NBAS: variants seen among roughly 807,000 people sequenced by gnomAD.
NBAS encodes NBAS subunit of NRZ tethering complex.
NBAS carries 219 observed loss-of-function variants against 302.5 expected under a neutral mutation model. The observed-to-expected ratio is 0.72, with a 90% confidence interval of 0.65 to 0.81. NBAS has a LOEUF of 0.81. Among genes scored for constraint, NBAS ranks in the 30% least tolerant of loss-of-function variants. The pLI, the probability that NBAS is intolerant of heterozygous loss-of-function variation, is 0.00. For synonymous variants in NBAS, 1,118 were observed against 1,021.6 expected (o/e 1.09, Z -1.80); for missense variants, 2,932 against 2,841.6 (o/e 1.03, Z -0.72).
intron 7 of NBAS, among the ~76,000 whole-genome samples, chr2:15,537,143 T>C (rs1663557987): frequency 6.6e-6 from 1 of 152,214 alleles, no homozygotes; most frequent in African/African-American, 2.4e-5. Context: ...CGACCCAAAA[T>C]ATGCCACTTT....
chr2:15,213,793 C>T (rs1666530820), intron 48 of NBAS, among the ~76,000 whole-genome samples: 1 of 152,168 alleles, frequency 6.6e-6, no homozygotes, highest in Non-Finnish European at 1.5e-5. Flanking sequence ...GCAAGGAACA[C>T]ATTGTTCATA....
chr2:15,216,036 T>C (rs1666637168), intron 48 of NBAS, among the ~76,000 whole-genome samples: 3 of 152,184 alleles, frequency 2.0e-5, no homozygotes, highest in Non-Finnish European at 2.9e-5. Flanking sequence ...CAAGAGGTTA[T>C]TTACAATTAT....
At chr2:15,181,938 T>C (rs910352354) in intron 50 of NBAS, among the ~76,000 whole-genome samples, 2 of 152,352 alleles carry the variant, frequency 1.3e-5, no homozygotes, top group Admixed American at 1.3e-4. Context: ...AGGCATTGCA[T>C]GGGGGCTGCA....
chr2:15,504,052 A>G, intron 11 of NBAS, 93 bp downstream of exon 11: 1 of 987,818 alleles, frequency 1.0e-6, no homozygotes, highest in Admixed American at 1.7e-5. Context: ...ATGAAGATAC[A>G]AAAAATTCGA....
chr2:15,349,357 C>T (rs1298844180), intron 35 of NBAS, among the ~76,000 whole-genome samples: 3 of 152,182 alleles, frequency 2.0e-5, no homozygotes, highest in Non-Finnish European at 4.4e-5. Flanking sequence ...ACAGAGAGAA[C>T]AGCAAAGAAA....
At chr2:15,178,842 AG>A in intron 51 of NBAS, 145 bp downstream of exon 51, 1 of 1,171,716 alleles carries the variant, frequency 8.5e-7, no homozygotes. Context: ...GGGACAAAAC[AG>A]GAACAGCTAT....
chr2:15,396,815 C>A (rs1675888726), intron 26 of NBAS, among the ~76,000 whole-genome samples: 1 of 152,126 alleles, frequency 6.6e-6, no homozygotes, highest in Non-Finnish European at 1.5e-5. Context: ...TTCTTTTAAA[C>A]CAATAAAACA....
intron 14 of NBAS, 142 bp downstream of exon 14, chr2:15,475,545 T>G: frequency 1.2e-6 from 1 of 866,168 alleles, no homozygotes; most frequent in East Asian, 2.7e-5. Context: ...AATGGATTTT[T>G]TATACTACAA....
At chr2:14,945,635 T>C in the NBAS span, among the ~76,000 whole-genome samples, 7,414 of 152,046 alleles carry the variant, frequency 0.049, 568 homozygotes, top group African/African-American at 0.17. Flanking sequence ...GAAATGTACA[T>C]GTTGAACTAA....
intron 11 of NBAS, among the ~76,000 whole-genome samples, chr2:15,490,286 A>G (rs1465658831): frequency 6.6e-6 from 1 of 152,206 alleles, no homozygotes; most frequent in Admixed American, 6.6e-5. Context: ...GGTCAGGAAC[A>G]CTGTTGAATG....
chr2:15,378,063 G>T (rs1674837492), intron 30 of NBAS, among the ~76,000 whole-genome samples: 2 of 152,188 alleles, frequency 1.3e-5, no homozygotes, highest in South Asian at 4.1e-4. Flanking sequence ...TAAATAATTT[G>T]CTAGAGACCA....
At chr2:15,221,417 A>G (rs1666942922) in intron 47 of NBAS, among the ~76,000 whole-genome samples, 1 of 152,218 alleles carries the variant, frequency 6.6e-6, no homozygotes, top group African/African-American at 2.4e-5. Flanking sequence ...CACCATTGTC[A>G]TAATAACAAT....
the NBAS span, among the ~76,000 whole-genome samples, chr2:14,991,156 G>A: frequency 6.6e-6 from 1 of 152,124 alleles, no homozygotes; most frequent in East Asian, 1.9e-4. Flanking sequence ...GGACATAGAA[G>A]ACATGCAGGG....
At chr2:14,915,729 A>G in the NBAS span, among the ~76,000 whole-genome samples, 1 of 151,906 alleles carries the variant, frequency 6.6e-6, no homozygotes, top group Non-Finnish European at 1.5e-5. Context: ...CACCCAGCTT[A>G]TTTTGTATTT....
At chr2:14,811,779 G>A in the NBAS span, among the ~76,000 whole-genome samples, 1 of 152,184 alleles carries the variant, frequency 6.6e-6, no homozygotes, top group Admixed American at 6.5e-5. Flanking sequence ...ATCTAGGAAT[G>A]TAAATGATGA....
intron 41 of NBAS, among the ~76,000 whole-genome samples, chr2:15,289,248 C>T (rs1230681081): frequency 6.6e-6 from 1 of 152,060 alleles, no homozygotes; most frequent in Non-Finnish European, 1.5e-5. Context: ...ACTGCCACAC[C>T]TAGTTTTTTG....
intron 40 of NBAS, among the ~76,000 whole-genome samples, chr2:15,298,551 T>C (rs922018923): frequency 6.6e-6 from 1 of 152,232 alleles, no homozygotes; most frequent in Admixed American, 6.5e-5. Context: ...TCTAGCTCCC[T>C]ATGCAAATTA....
chr2:15,159,789 ACACACACACGCGTG>A, the NBAS span, among the ~76,000 whole-genome samples: 3 of 137,382 alleles, frequency 2.2e-5, no homozygotes, highest in African/African-American at 8.7e-5. Flanking sequence ...CCAGTCATAC[ACACACACACGCGTG>A]CACACACACA....
chr2:15,553,806 C>T (rs1664500710), intron 4 of NBAS, among the ~76,000 whole-genome samples: 1 of 139,864 alleles, frequency 7.1e-6, no homozygotes, highest in East Asian at 2.3e-4. Context: ...CCCTCTCTCC[C>T]TCCCTCCCTC....
Sources: gnomAD v4.1 joint callset for allele counts (sites outside exome capture counted in the v4.1 genomes callset) on GRCh38, gnomAD v4.1.1 for gene constraint, MANE v1.5 for transcripts, NCBI Gene and HGNC (gene_info 2026-07-23, HGNC 2026-07-21) for gene names.